The following ELP4 variants were observed in gnomAD, a reference collection of about 807,000 sequenced individuals.
The protein encoded by ELP4 is elongator complex protein 4.
ELP4 carries 51 observed loss-of-function variants against 48.9 expected under a neutral mutation model. The ratio of observed to expected loss-of-function variants is 1.04; its 90% CI spans 0.83 to 1.32. The LOEUF (loss-of-function observed/expected upper bound fraction) is 1.32, where lower values mean the gene tolerates loss of function less well. Among genes scored for constraint, ELP4 ranks in the 40% most tolerant of loss-of-function variants. The pLI, the probability that ELP4 is intolerant of heterozygous loss-of-function variation, is 0.00. For missense variants in ELP4, 519 were observed against 514.6 expected (o/e 1.01, Z -0.08); for synonymous variants, 210 against 189.2 (o/e 1.11, Z -0.90).
chr11:31,670,399 GATTA>G (rs1218245218), intron 9 of ELP4, among the ~76,000 whole-genome samples: 9 of 152,074 alleles, frequency 5.9e-5, no homozygotes, highest in East Asian at 1.9e-4. Context: ...ACTGAAACAT[GATTA>G]ATTATTTTAT....
intron 2 of ELP4, among the ~76,000 whole-genome samples, chr11:31,531,884 A>G (rs750068732): frequency 3.3e-5 from 5 of 152,128 alleles, no homozygotes; most frequent in Non-Finnish European, 7.4e-5. Context: ...AGAGGTAAGG[A>G]TGAATTGAAC....
At chr11:31,777,382 T>C (rs911352754) in intron 9 of ELP4, among the ~76,000 whole-genome samples, 1 of 152,262 alleles carries the variant, frequency 6.6e-6, no homozygotes, top group Admixed American at 6.5e-5. Flanking sequence ...ATTCCCACCC[T>C]CTGGACTAGT....
At chr11:31,766,795 T>C (rs1445157978) in intron 9 of ELP4, among the ~76,000 whole-genome samples, 5 of 152,104 alleles carry the variant, frequency 3.3e-5, no homozygotes, top group Non-Finnish European at 7.4e-5. Flanking sequence ...ACTCTGTAAT[T>C]TACAAATATT....
At chr11:31,576,443 A>G (rs1957280260) in intron 3 of ELP4, among the ~76,000 whole-genome samples, 1 of 152,216 alleles carries the variant, frequency 6.6e-6, no homozygotes, top group Non-Finnish European at 1.5e-5. Context: ...AGGCAGACCT[A>G]ATAGACATCT....
chr11:31,527,628 G>A (rs1394787473), intron 2 of ELP4, among the ~76,000 whole-genome samples: 1 of 151,886 alleles, frequency 6.6e-6, no homozygotes. Flanking sequence ...TGTTAATTTT[G>A]TCTGTTCTTC....
At chr11:31,572,502 GT>G (rs1957206167) in intron 3 of ELP4, among the ~76,000 whole-genome samples, 2 of 151,936 alleles carry the variant, frequency 1.3e-5, no homozygotes, top group African/African-American at 4.8e-5. Context: ...TTGTTTTTAT[GT>G]TTGGCCTTTC....
At chr11:31,636,258 G>A (rs943537467) in intron 7 of ELP4, among the ~76,000 whole-genome samples, 4 of 151,900 alleles carry the variant, frequency 2.6e-5, no homozygotes, top group Non-Finnish European at 4.4e-5. Flanking sequence ...GCTTGGGGAT[G>A]GTAGTAGAGT....
In ELP4 at chr11:31,785,638, C is replaced by G. The variant is rs16922475; in HGVS notation, c.*2114C>G. On this transcript the variant is annotated 3_prime_UTR_variant, in exon 10 of 10. Transcript: ENST00000640961. Reference sequence around the variant, plus strand: ...TGCTTTGTTTTTCTAATTCACTGGGCCGGCTTTGTAAAAATAAGCTACTGG... The same window carrying G: ...TGCTTTGTTTTTCTAATTCACTGGGGCGGCTTTGTAAAAATAAGCTACTGG... 8,431 of 196,630 alleles carry G rather than the reference C, an allele frequency of 0.043. 747 individuals carry two copies. Among genetic ancestry groups the G allele is most frequent in the African/African-American group, 0.18 (7,602 of 43,330 alleles). 12.2% of individuals were successfully genotyped at this position (196,630 alleles called of 1,614,324 possible). A position where few individuals can be genotyped will look rare whatever the true frequency, so the allele number is the denominator to read the frequency against.
chr11:31,603,314 A>G (rs1957815078), intron 4 of ELP4, among the ~76,000 whole-genome samples: 1 of 151,892 alleles, frequency 6.6e-6, no homozygotes, highest in Admixed American at 6.6e-5. Context: ...ACTCAGTGTA[A>G]TATATTTAAA....
At chr11:31,732,840 A>T (rs1233136264) in intron 9 of ELP4, among the ~76,000 whole-genome samples, 1 of 152,234 alleles carries the variant, frequency 6.6e-6, no homozygotes, top group Non-Finnish European at 1.5e-5. Flanking sequence ...TAATGATAAG[A>T]GGGATAATTC....
intron 9 of ELP4, among the ~76,000 whole-genome samples, chr11:31,716,036 CAG>C (rs1238218194): frequency 1.3e-5 from 2 of 152,076 alleles, no homozygotes; most frequent in African/African-American, 2.4e-5. Flanking sequence ...GTTTTTGAGA[CAG>C]GGCCTCGCTG....
At chr11:31,567,650 G>T (rs1004456146) in intron 3 of ELP4, among the ~76,000 whole-genome samples, 4 of 152,108 alleles carry the variant, frequency 2.6e-5, no homozygotes, top group East Asian at 1.9e-4. Context: ...TGATATAAAG[G>T]CATACCTTGG....
At chr11:31,609,018 C>G (rs80251380) in intron 5 of ELP4, among the ~76,000 whole-genome samples, 1 of 30,940 alleles carries the variant, frequency 3.2e-5, no homozygotes, top group Non-Finnish European at 2.6e-4. Flanking sequence ...CTTACCTTGC[C>G]AAGGTTTTGA....
intron 2 of ELP4, among the ~76,000 whole-genome samples, chr11:31,538,034 T>A (rs1378714498): frequency 6.6e-6 from 1 of 152,160 alleles, no homozygotes; most frequent in Non-Finnish European, 1.5e-5. Context: ...ACTCTCAGAA[T>A]GTTTTGTACT....
chr11:31,623,386 T>TAAAA (rs1327669989), intron 5 of ELP4, among the ~76,000 whole-genome samples: 20 of 75,254 alleles, frequency 2.7e-4, no homozygotes, highest in South Asian at 7.7e-4. Flanking sequence ...TATATATATA[T>TAAAA]ATATAAAACT....
chr11:31,764,235 G>A (rs546299193), intron 9 of ELP4, among the ~76,000 whole-genome samples: 5 of 152,250 alleles, frequency 3.3e-5, no homozygotes, highest in South Asian at 4.1e-4. Context: ...TCCTGACACC[G>A]TTTGAAATAG....
At chr11:31,702,596 T>G (rs1946548470) in intron 9 of ELP4, among the ~76,000 whole-genome samples, 1 of 152,154 alleles carries the variant, frequency 6.6e-6, no homozygotes, top group African/African-American at 2.4e-5. Context: ...ATTTAAAATC[T>G]GATTCGTAGT....
At chr11:31,730,625 CG>C (rs1299944171) in intron 9 of ELP4, among the ~76,000 whole-genome samples, 1 of 152,018 alleles carries the variant, frequency 6.6e-6, no homozygotes, top group African/African-American at 2.4e-5. Context: ...AGCACTGACA[CG>C]GCCTGGCATA....
At chr11:31,676,110 C>A (rs1945921330) in intron 9 of ELP4, among the ~76,000 whole-genome samples, 1 of 152,002 alleles carries the variant, frequency 6.6e-6, no homozygotes, top group African/African-American at 2.4e-5. Flanking sequence ...CTGACCTCAT[C>A]TTTTATTCCT....
Sources: allele counts gnomAD v4.1 joint callset (sites outside exome capture counted in the v4.1 genomes callset), GRCh38; gene constraint gnomAD v4.1.1; transcripts MANE v1.5; gene names NCBI Gene and HGNC (gene_info 2026-07-23, HGNC 2026-07-21).